ST3GAL4: variants seen among roughly 807,000 people sequenced by gnomAD.
The protein encoded by ST3GAL4 is ST3 beta-galactoside alpha-2,3-sialyltransferase 4.
In ST3GAL4, 24 loss-of-function variants were observed where a neutral mutation model predicts 42.6. The ratio of observed to expected loss-of-function variants is 0.56; its 90% confidence interval spans 0.41 to 0.79. ST3GAL4 has a LOEUF of 0.79. Among genes scored for constraint, ST3GAL4 ranks in the 30% least tolerant of loss-of-function variants. ST3GAL4 has a pLI of 0.00. For synonymous variants in ST3GAL4, 135 were observed against 163.2 expected (o/e 0.83, Z 1.32); for missense variants, 311 against 430.8 (o/e 0.72, Z 2.46).
chr11:126,380,672 T>C (rs1008218575), intron 1 of ST3GAL4, among the ~76,000 whole-genome samples: 1 of 152,220 alleles, frequency 6.6e-6, no homozygotes, highest in African/African-American at 2.4e-5. Flanking sequence ...TAAACTCTTA[T>C]TTGGTGGATA....
chr11:126,389,311 A>T (rs756597786), intron 1 of ST3GAL4, among the ~76,000 whole-genome samples: 1 of 152,200 alleles, frequency 6.6e-6, no homozygotes, highest in Non-Finnish European at 1.5e-5. Flanking sequence ...AAATGGGAAT[A>T]TTATCTCTCA....
At chr11:126,387,118 T>C (rs1223517649) in intron 1 of ST3GAL4, among the ~76,000 whole-genome samples, 1 of 152,152 alleles carries the variant, frequency 6.6e-6, no homozygotes, top group African/African-American at 2.4e-5. Context: ...TGACGCGTGT[T>C]CTAGGGTCTG....
intron 1 of ST3GAL4, among the ~76,000 whole-genome samples, chr11:126,388,028 C>G (rs1479694888): frequency 6.6e-6 from 1 of 152,218 alleles, no homozygotes; most frequent in Non-Finnish European, 1.5e-5. Context: ...TTGTTTCCAT[C>G]TTAACCCCTA....
chr11:126,397,206 A>C lies in ST3GAL4; in HGVS notation c.-60-8890A>C, dbSNP rs180756341. Among the ~76,000 whole-genome samples, 3 of 152,266 alleles carry C rather than the reference A, an allele frequency of 2.0e-5. No individual in the cohort carries two copies. Among genetic ancestry groups the C allele is most frequent in the African/African-American group, 7.2e-5 (3 of 41,506 alleles). On this transcript the variant is annotated intron_variant, in intron 1 of 10. Transcript: ENST00000444328. The surrounding 1 kb of genome is among the most constrained non-coding windows in gnomAD (Gnocchi z 5.0). ...CTTATTTGTCAGATGTTTGTAAAAC[A>C]TCTGCTACATTCTTGGCAGTTTAAT...
chr11:126,360,848 C>T (rs1041447031), intron 1 of ST3GAL4, among the ~76,000 whole-genome samples: 8 of 152,236 alleles, frequency 5.3e-5, no homozygotes, highest in Non-Finnish European at 1.0e-4. Context: ...GCTGATTTGT[C>T]TTTGCTGCAT....
At position 126,391,262 on chromosome 11, in the gene ST3GAL4, T is replaced by C. The variant is rs562554777; in HGVS notation, c.-60-14834T>C. Among the ~76,000 whole-genome samples, 136 of 150,056 alleles carry C rather than the reference T, an allele frequency of 9.1e-4. No individual in the cohort carries two copies. Among genetic ancestry groups the C allele is most frequent in the Middle Eastern group, 7.0e-3 (2 of 286 alleles). On this transcript the variant is annotated intron_variant, in intron 1 of 10. Coordinates refer to ENST00000444328, the MANE Select transcript of ST3GAL4 (RefSeq NM_001254757.2). This position sits in a 1 kb window ranked among gnomAD's most constrained non-coding sequence, Gnocchi z 5.5. The stretch of plus-strand genomic sequence containing the variant: ...CTTGCTTTTCCCTTTGCTTCCTTGT[T>C]TTTTTTTTTTCTTTTTGTTTTATGG...
chr11:126,358,699 G>T (rs1243182533), intron 1 of ST3GAL4, among the ~76,000 whole-genome samples: 1 of 152,152 alleles, frequency 6.6e-6, no homozygotes, highest in East Asian at 1.9e-4. Context: ...GGGGTTAGAG[G>T]GTGTGGGTGT....
intron 1 of ST3GAL4, among the ~76,000 whole-genome samples, chr11:126,389,674 C>T (rs1953394977): frequency 6.6e-6 from 1 of 152,166 alleles, no homozygotes; most frequent in African/African-American, 2.4e-5. Context: ...AAGTGATCCT[C>T]CCACCTTAGT....
intron 5 of ST3GAL4, 92 bp from the exon 6 acceptor site, chr11:126,407,482 C>T (rs1954293488): frequency 1.3e-6 from 2 of 1,574,906 alleles, no homozygotes; most frequent in Non-Finnish European, 8.7e-7. Flanking sequence ...AAGAAGAAGG[C>T]AGCCAGCGCT....
chr11:126,367,236 A>G (rs190300455), intron 1 of ST3GAL4, among the ~76,000 whole-genome samples: 2 of 152,190 alleles, frequency 1.3e-5, no homozygotes, highest in East Asian at 1.9e-4. Flanking sequence ...ACCTCCCTAG[A>G]GGCCTCCTCC....
At chr11:126,407,112 C>A in intron 4 of ST3GAL4, 89 bp downstream of exon 4, 2 of 1,486,688 alleles carry the variant, frequency 1.3e-6, no homozygotes, top group Admixed American at 1.7e-5. Flanking sequence ...ATGGAAAGAG[C>A]AGCTGTGTTG....
intron 1 of ST3GAL4, among the ~76,000 whole-genome samples, chr11:126,375,541 A>G: frequency 6.6e-6 from 1 of 152,124 alleles, no homozygotes; most frequent in East Asian, 1.9e-4. Flanking sequence ...GAGCTGTACA[A>G]CCTGGGCCGG....
Position 126,407,605 on chromosome 11 carries a change from C to T in ST3GAL4, c.312C>T (p.Thr104=), listed in dbSNP as rs1670102743. 1 of 1,614,178 alleles carries T rather than the reference C, an allele frequency of 6.2e-7. No individual in the cohort carries two copies. Among genetic ancestry groups the T allele is most frequent in the African/African-American group, 1.3e-5 (1 of 75,032 alleles). ...EDLLLRVLAI[T]SSSIPKNIQS... is the part of the protein sequence containing the mutation. ...TGCTCCTCCGGGTGCTAGCCATCAC[C>T]AGCTCCTCCATCCCCAAGAACATCC... Residue 104 remains threonine, a synonymous_variant, in exon 6 of 11, where the codon ACC becomes ACT. Coordinates refer to ENST00000444328, the MANE Select transcript of ST3GAL4 (RefSeq NM_001254757.2).
rs1413215422 is a variant in ST3GAL4 at position 126,409,553 on chromosome 11, T to TA, written c.771+145dup. 1 of 1,177,570 alleles carries TA rather than the reference T, an allele frequency of 8.5e-7. No individual in the cohort carries two copies. Among genetic ancestry groups the TA allele is most frequent in the Non-Finnish European group, 1.2e-6 (1 of 836,256 alleles). 72.9% of individuals were successfully genotyped at this position (1,177,570 alleles called of 1,614,324 possible). A position where few individuals can be genotyped will look rare whatever the true frequency, so the allele number is the denominator to read the frequency against. On this transcript the variant is annotated intron_variant, in intron 9 of 10. Transcript: ENST00000444328. The surrounding 1 kb of genome is among the most constrained non-coding windows in gnomAD (Gnocchi z 4.9). ...TTCCCTCCAGGAACACACCTGTCAT[T>TA]AAAGTTGCTGCTGCAAAGGGGAGTG...
chr11:126,406,319 A>G lies in ST3GAL4; in HGVS notation c.16+148A>G. On this transcript the variant is annotated intron_variant, in intron 2 of 10. Transcript: ENST00000444328. This position sits in a 1 kb window ranked among gnomAD's most constrained non-coding sequence, Gnocchi z 5.4. The stretch of plus-strand genomic sequence containing the variant: ...ATCTTGAAGGACAGTGGGTACAATC[A>G]GGGTCAAGCCCTCAGCCAGGGCCAG... 2.6e-6 allele frequency: 4 copies of G among 1,540,298 alleles called. No homozygotes were observed. The highest frequency in any genetic ancestry group is 3.5e-6 in the Non-Finnish European group (4 of 1,142,150).
In ST3GAL4 at chr11:126,373,997, A is replaced by C. The variant is rs1432475826; in HGVS notation, c.-61+18155A>C. Among the ~76,000 whole-genome samples the C allele has an allele frequency of 1.3e-5, 2 of 152,086 alleles. No individual in the cohort carries two copies. Among genetic ancestry groups the C allele is most frequent in the African/African-American group, 4.8e-5 (2 of 41,388 alleles). On this transcript the variant is annotated intron_variant, in intron 1 of 10. Coordinates refer to ENST00000444328, the MANE Select transcript of ST3GAL4 (RefSeq NM_001254757.2). The surrounding 1 kb of genome is among the most constrained non-coding windows in gnomAD (Gnocchi z 5.5). ...GATGAACAGATCCATTTATTAATTC[A>C]ACACGTTTGTATTGAGAGCCTGCTG...
chr11:126,413,814 A>C, intron 10 of ST3GAL4, 147 bp from the exon 11 acceptor site: 2 of 1,382,194 alleles, frequency 1.4e-6, no homozygotes, highest in South Asian at 2.7e-5. Flanking sequence ...ATGTTCAGCC[A>C]CATGGGCTTT....
At chr11:126,357,888 G>C (rs1952121612) in intron 1 of ST3GAL4, among the ~76,000 whole-genome samples, 1 of 152,248 alleles carries the variant, frequency 6.6e-6, no homozygotes, top group African/African-American at 2.4e-5. Flanking sequence ...TCAAAGGTTT[G>C]CACCATCTGT....
chr11:126,389,194 T>G (rs927197728), intron 1 of ST3GAL4, among the ~76,000 whole-genome samples: 4 of 152,234 alleles, frequency 2.6e-5, no homozygotes, highest in Admixed American at 6.5e-5. Context: ...TTTCCTTGTT[T>G]AGCTTCTCAA....
Sources: allele counts gnomAD v4.1 joint callset (sites outside exome capture counted in the v4.1 genomes callset), GRCh38; gene constraint gnomAD v4.1.1; non-coding constraint Gnocchi (gnomAD v3.1); transcripts MANE v1.5; gene names NCBI Gene and HGNC (gene_info 2026-07-23, HGNC 2026-07-21).